MROH1: variants seen among roughly 807,000 people sequenced by gnomAD.
The protein encoded by MROH1 is maestro heat like repeat family member 1.
MROH1 carries 117 observed loss-of-function variants against 116.5 expected under a neutral mutation model. The observed-to-expected ratio is 1.00, with a 90% CI of 0.86 to 1.17. The LOEUF (loss-of-function observed/expected upper bound fraction) is 1.17. Among genes scored for constraint, MROH1 ranks in the 50% most tolerant of loss-of-function variants. The probability of loss-of-function intolerance (pLI) is 0.00; values close to 1 mark genes in which losing one functional copy is unlikely to be tolerated. For synonymous variants in MROH1, 921 were observed against 583.9 expected (o/e 1.58, Z -8.32); for missense variants, 1,873 against 1,338.5 (o/e 1.40, Z -6.23).
intron 4 of MROH1, among the ~76,000 whole-genome samples, chr8:144,173,471 G>T (rs1385418969): frequency 6.7e-6 from 1 of 150,064 alleles, no homozygotes; most frequent in South Asian, 2.1e-4. Flanking sequence ...GCCCAGGCTG[G>T]GCTGGAGTAC....
At chr8:144,218,709 C>CCCCT (rs1178536558) in intron 12 of MROH1, among the ~76,000 whole-genome samples, 1 of 62,534 alleles carries the variant, frequency 1.6e-5, no homozygotes. Flanking sequence ...CCTCTCCCCT[C>CCCCT]CTGTCCCCCC....
intron 4 of MROH1, among the ~76,000 whole-genome samples, chr8:144,178,170 G>T (rs191423635): frequency 0.013 from 814 of 62,104 alleles, 6 homozygotes; most frequent in African/African-American, 0.027. Flanking sequence ...GTCTTGCTCC[G>T]TGGCCCAGGC....
rs1426838053 is a variant in MROH1 at position 144,223,216 on chromosome 8, C to T, written c.1324C>T (p.Pro442Ser). 6 of 1,605,428 alleles carry T rather than the reference C, an allele frequency of 3.7e-6. No individual in the cohort carries two copies. The highest frequency in any genetic ancestry group is 5.1e-6 in the Non-Finnish European group (6 of 1,176,576). ...GTACATCGTGCAGCAGTGCGCGCTGCCCCCCGAGCAGGAGGTAAGGGGCTG... is the reference window on the plus strand; with the variant it reads ...GTACATCGTGCAGCAGTGCGCGCTGTCCCCCGAGCAGGAGGTAAGGGGCTG... ...IEYIVQQCAL[P>S]PEQEPEKPGP... is the part of the protein sequence containing the mutation. Residue 442 changes from proline to serine, a missense_variant, in exon 14 of 44, where the codon CCC becomes TCC. By Grantham distance (74) the Pro-to-Ser change is moderately conservative. Transcript: ENST00000326134.
chr8:144,258,469 C>A (rs1021517062), intron 35 of MROH1, among the ~76,000 whole-genome samples: 6 of 152,162 alleles, frequency 3.9e-5, no homozygotes, highest in African/African-American at 1.2e-4. Flanking sequence ...GTCTGGGTGT[C>A]CGGAAAGGAA....
At chr8:144,184,340 G>C (rs1283850282) in intron 7 of MROH1, among the ~76,000 whole-genome samples, 2 of 152,128 alleles carry the variant, frequency 1.3e-5, no homozygotes, top group African/African-American at 2.4e-5. Context: ...GCAGGGTCTC[G>C]GCTCTGGTGT....
At chr8:144,159,214 C>T (rs959990122) in intron 1 of MROH1, among the ~76,000 whole-genome samples, 1 of 152,124 alleles carries the variant, frequency 6.6e-6, no homozygotes, top group Non-Finnish European at 1.5e-5. Context: ...AAAAATTAGC[C>T]AGGTATGGTG....
At chr8:144,259,534 C>T (rs1844573747) in intron 37 of MROH1, among the ~76,000 whole-genome samples, 180 bp downstream of exon 37, 1 of 152,212 alleles carries the variant, frequency 6.6e-6, no homozygotes, top group South Asian at 2.1e-4. Context: ...CCCAGGGACA[C>T]CCCCTCTGTG....
At chr8:144,183,580 C>A (rs573423986) in intron 7 of MROH1, among the ~76,000 whole-genome samples, 14 of 151,836 alleles carry the variant, frequency 9.2e-5, no homozygotes, top group Non-Finnish European at 1.8e-4. Context: ...TTAGAGCTCT[C>A]CAGTGGCCCC....
chr8:144,176,878 CT>C (rs1369048069), intron 4 of MROH1, among the ~76,000 whole-genome samples: 1 of 151,560 alleles, frequency 6.6e-6, no homozygotes, highest in African/African-American at 2.4e-5. Context: ...TAAATACAGT[CT>C]GCCTGCAGAA....
rs79749774 is a variant in MROH1 at position 144,197,417 on chromosome 8, C to CTTTTTTTTTTTT, written c.949-1680_949-1669dup. The stretch of plus-strand genomic sequence containing the variant: ...AAGAGTGGGCAGGAAGCTGCAGCAT[C>CTTTTTTTTTTTT]TTTTTTTTTTTTTTTTTTTTTTTTT... On this transcript the variant is annotated intron_variant, in intron 10 of 43. Transcript: ENST00000326134. Among the ~76,000 whole-genome samples, 31 of 42,500 alleles carry CTTTTTTTTTTTT rather than the reference C, an allele frequency of 7.3e-4. 5 individuals are homozygous for CTTTTTTTTTTTT. The highest frequency in any genetic ancestry group is 1.0e-3 in the African/African-American group (8 of 7,674). The allele number at this position is 42,500 out of a possible 152,430, so 27.9% of individuals were successfully genotyped here.
chr8:144,256,830 T>C (rs1233109522), intron 35 of MROH1, among the ~76,000 whole-genome samples: 1 of 152,244 alleles, frequency 6.6e-6, no homozygotes, highest in East Asian at 1.9e-4. Flanking sequence ...TCCCGTTAGA[T>C]TTGTCGAAGC....
At chr8:144,227,465 C>T (rs927084234) in intron 14 of MROH1, among the ~76,000 whole-genome samples, 3 of 151,858 alleles carry the variant, frequency 2.0e-5, no homozygotes, top group East Asian at 1.9e-4. Flanking sequence ...GACAATCTGG[C>T]GAAACCCCAT....
At chr8:144,177,798 TG>T (rs1824403335) in intron 4 of MROH1, among the ~76,000 whole-genome samples, 1 of 152,090 alleles carries the variant, frequency 6.6e-6, no homozygotes, top group African/African-American at 2.4e-5. Flanking sequence ...CCTCCTCCTC[TG>T]TCTTCCTCCT....
At chr8:144,240,967 G>A in intron 20 of MROH1, 25 bp from the exon 21 acceptor site, 1 of 730,422 alleles carries the variant, frequency 1.4e-6, no homozygotes, top group Non-Finnish European at 2.5e-6. Context: ...GTCAGGCAGA[G>A]CCGTGTTCTC....
chr8:144,214,719 G>A (rs778714558), intron 12 of MROH1, among the ~76,000 whole-genome samples: 3 of 152,020 alleles, frequency 2.0e-5, no homozygotes, highest in Non-Finnish European at 4.4e-5. Flanking sequence ...AACTGCTCAT[G>A]GCTCATGTCC....
Position 144,179,599 on chromosome 8 carries a change from C to G in MROH1, c.300+13C>G. On this transcript the variant is annotated intron_variant, in intron 5 of 43. Transcript: ENST00000326134. ...GACCAAGACGAAGGTATTCAGCAGG[C>G]CCTCTGGCCTCGCAGACTCAGGCCT... 6.3e-7 allele frequency: 1 copy of G among 1,596,982 alleles called. No individual in the cohort carries two copies. Among genetic ancestry groups the G allele is most frequent in the South Asian group, 1.1e-5 (1 of 88,482 alleles).
At chr8:144,195,428 G>A (rs1270297703) in intron 10 of MROH1, among the ~76,000 whole-genome samples, 11 of 143,902 alleles carry the variant, frequency 7.6e-5, no homozygotes, top group East Asian at 4.3e-4. Flanking sequence ...CATGAACCCT[G>A]GAGGGAGAGC....
intron 33 of MROH1, chr8:144,252,522 G>A (rs2133204806): frequency 1.3e-5 from 2 of 152,302 alleles, no homozygotes; most frequent in South Asian, 4.1e-4. Context: ...TAAAAAATTA[G>A]CCAGGCGAGG....
At chr8:144,220,701 C>T (rs753658593) in intron 13 of MROH1, 28 bp downstream of exon 13, 24 of 1,544,692 alleles carry the variant, frequency 1.6e-5, no homozygotes, top group South Asian at 2.4e-5. Flanking sequence ...GCCCAGGCTG[C>T]ACCACCACAC....
Sources: allele counts gnomAD v4.1 joint callset (sites outside exome capture counted in the v4.1 genomes callset), GRCh38; gene constraint gnomAD v4.1.1; transcripts MANE v1.5; gene names NCBI Gene and HGNC (gene_info 2026-07-23, HGNC 2026-07-21).